The following CSMD1 variants were observed in gnomAD, a reference collection of about 807,000 sequenced individuals.
CSMD1 encodes CUB and sushi domain-containing protein 1.
In CSMD1, 213 loss-of-function variants were observed where a neutral mutation model predicts 417.5. The observed-to-expected ratio is 0.51, with a 90% CI of 0.46 to 0.57. CSMD1 has a LOEUF of 0.57. CSMD1 is among the 20% of genes least tolerant of loss of function. The probability of loss-of-function intolerance (pLI) is 0.00; values close to 1 mark genes in which losing one functional copy is unlikely to be tolerated. For synonymous variants in CSMD1, 2,862 were observed against 1,736.8 expected, an observed-to-expected ratio of 1.65 and a Z score of -16.11; for missense variants, 6,923 against 4,529.7, an observed-to-expected ratio of 1.53 and a Z score of -15.17.
chr8:4,624,183 T>C (rs888670285), intron 2 of CSMD1, among the ~76,000 whole-genome samples: 2 of 152,114 alleles, frequency 1.3e-5, no homozygotes, highest in African/African-American at 4.8e-5. Context: ...AATCAACTAC[T>C]GTTCCAAGAA....
At chr8:3,356,694 C>T (rs1215758572) in intron 21 of CSMD1, among the ~76,000 whole-genome samples, 1 of 147,662 alleles carries the variant, frequency 6.8e-6, no homozygotes, top group African/African-American at 2.5e-5. Flanking sequence ...ACAACAACAA[C>T]AAAAAAACGT....
chr8:4,005,309 G>C (rs1249592250), intron 4 of CSMD1, among the ~76,000 whole-genome samples: 2 of 152,150 alleles, frequency 1.3e-5, no homozygotes, highest in South Asian at 2.1e-4. Flanking sequence ...AATAAAAAAA[G>C]TTTCAAGCCT....
chr8:4,271,462 C>G (rs929703296), intron 3 of CSMD1, among the ~76,000 whole-genome samples: 1 of 152,148 alleles, frequency 6.6e-6, no homozygotes, highest in South Asian at 2.1e-4. Context: ...GAAAAACTCA[C>G]TGCAATGCAA....
chr8:3,037,926 T>C (rs182269077), intron 50 of CSMD1, among the ~76,000 whole-genome samples: 1 of 152,298 alleles, frequency 6.6e-6, no homozygotes, highest in East Asian at 1.9e-4. Context: ...TTCTTAGGGT[T>C]TCGAATCACC....
At chr8:4,847,579 A>C (rs1173080433) in intron 1 of CSMD1, among the ~76,000 whole-genome samples, 1 of 152,064 alleles carries the variant, frequency 6.6e-6, no homozygotes. Context: ...TACTCTATTC[A>C]GATTCTTTTC....
chr8:4,820,346 A>T (rs1438179323), intron 1 of CSMD1, among the ~76,000 whole-genome samples: 2 of 152,330 alleles, frequency 1.3e-5, no homozygotes, highest in Admixed American at 1.3e-4. Flanking sequence ...ATAAAAAGGT[A>T]AGAATGACTC....
rs190482972 is a variant in CSMD1, at chr8:3,738,330, A to G, written c.931+15600T>C. The stretch of plus-strand genomic sequence containing the variant: ...ATGTGTATTTTGCATATTTCAATAC[A>G]TCGTACAATGCATACAGGCATTGGG... On this transcript the variant is annotated intron_variant, in intron 6 of 69. Coordinates refer to ENST00000635120, the MANE Select transcript of CSMD1 (RefSeq NM_033225.6). Among the ~76,000 whole-genome samples, 71 of 152,342 alleles carry G rather than the reference A, an allele frequency of 4.7e-4. 1 individual carries two copies. Among genetic ancestry groups the G allele is most frequent in the Middle Eastern group, 3.4e-3 (1 of 294 alleles).
intron 49 of CSMD1, among the ~76,000 whole-genome samples, chr8:3,052,920 G>A (rs929901415): frequency 6.6e-6 from 1 of 151,850 alleles, no homozygotes; most frequent in Admixed American, 6.6e-5. Context: ...TTCCCAAGCA[G>A]CTGAGATTAC....
At chr8:3,877,957 A>G (rs1293615644) in intron 5 of CSMD1, among the ~76,000 whole-genome samples, 1 of 151,980 alleles carries the variant, frequency 6.6e-6, no homozygotes, top group Non-Finnish European at 1.5e-5. Flanking sequence ...CATCAAGGTC[A>G]TGCAAAGTTT....
At position 3,498,553 on chromosome 8, in the gene CSMD1, T is replaced by G. The variant is rs776186854; in HGVS notation, c.1345-4827A>C. ...TGAATGCACATATTTCTCCAAAAAT[T>G]TGAGAAGTTTTCAGCTGTTATTTTA... On this transcript the variant is annotated intron_variant, in intron 10 of 69. Coordinates refer to ENST00000635120, the MANE Select transcript of CSMD1 (RefSeq NM_033225.6). 5.8e-4 allele frequency among the ~76,000 whole-genome samples: 89 copies of G among 152,316 alleles called. No homozygotes were observed. In the Middle Eastern group the frequency reaches 0.014, roughly 23 times the overall value.
intron 26 of CSMD1, among the ~76,000 whole-genome samples, chr8:3,264,382 G>A (rs1164478014): frequency 2.0e-5 from 3 of 152,006 alleles, no homozygotes; most frequent in Non-Finnish European, 2.9e-5. Flanking sequence ...ATCTTTTCCT[G>A]TTTCTAAGTC....
At chr8:3,890,635 T>C (rs1228900903) in intron 5 of CSMD1, among the ~76,000 whole-genome samples, 1 of 152,110 alleles carries the variant, frequency 6.6e-6, no homozygotes, top group Non-Finnish European at 1.5e-5. Context: ...TTCAGAGAAA[T>C]GGAGCATATT....
chr8:4,389,961 A>C (rs749718694), intron 3 of CSMD1, among the ~76,000 whole-genome samples: 1 of 152,206 alleles, frequency 6.6e-6, no homozygotes, highest in Non-Finnish European at 1.5e-5. Flanking sequence ...ATATGCATGC[A>C]TGATGTACTT....
At chr8:3,908,115 C>G (rs896742667) in intron 5 of CSMD1, among the ~76,000 whole-genome samples, 4 of 152,134 alleles carry the variant, frequency 2.6e-5, no homozygotes, top group East Asian at 3.9e-4. Flanking sequence ...CTTTATGGAG[C>G]CCCTCTGAGA....
intron 10 of CSMD1, among the ~76,000 whole-genome samples, chr8:3,505,062 G>A (rs929013718): frequency 1.3e-5 from 2 of 152,118 alleles, no homozygotes; most frequent in Non-Finnish European, 2.9e-5. Context: ...ATAAGCTAGT[G>A]AGAATTTCAG....
intron 3 of CSMD1, among the ~76,000 whole-genome samples, chr8:4,280,213 A>C (rs1368895336): frequency 6.6e-6 from 1 of 152,258 alleles, no homozygotes; most frequent in Non-Finnish European, 1.5e-5. Context: ...TAGGCCAATC[A>C]AAGGTTACTT....
chr8:3,573,240 A>G (rs1426248012), intron 10 of CSMD1, among the ~76,000 whole-genome samples: 1 of 152,178 alleles, frequency 6.6e-6, no homozygotes, highest in Non-Finnish European at 1.5e-5. Context: ...CTATTACTAT[A>G]TCTCTTTGCC....
At chr8:3,892,829 G>T (rs1299789805) in intron 5 of CSMD1, among the ~76,000 whole-genome samples, 3 of 150,536 alleles carry the variant, frequency 2.0e-5, no homozygotes, top group African/African-American at 7.3e-5. Context: ...ACGCCCAAGT[G>T]CAGGTTCTGA....
intron 7 of CSMD1, among the ~76,000 whole-genome samples, chr8:3,675,689 G>C (rs561056133): frequency 3.9e-5 from 6 of 152,166 alleles, no homozygotes; most frequent in African/African-American, 1.2e-4. Context: ...CTGCAAACCA[G>C]GAAACGGGTC....
Sources: gnomAD v4.1 joint callset for allele counts (sites outside exome capture counted in the v4.1 genomes callset) on GRCh38, gnomAD v4.1.1 for gene constraint, MANE v1.5 for transcripts, NCBI Gene and HGNC (gene_info 2026-07-23, HGNC 2026-07-21) for gene names.